Variants in MEI4 observed in about 807,000 individuals in gnomAD.
The protein encoded by MEI4 is meiosis-specific protein MEI4.
Under a neutral mutation model 31.4 loss-of-function variants are expected in MEI4, and 27 were observed. That is an observed-to-expected ratio of 0.86 (90% CI 0.63 to 1.19). The LOEUF (loss-of-function observed/expected upper bound fraction) is 1.19, where lower values mean the gene tolerates loss of function less well. Ranked by LOEUF, MEI4 falls within the 50% of genes most tolerant of loss-of-function variation. MEI4 has a pLI of 0.00. For missense variants in MEI4, 329 were observed against 398.9 expected (o/e 0.82, Z 1.49); for synonymous variants, 122 against 145.4 (o/e 0.84, Z 1.16).
intron 3 of MEI4, among the ~76,000 whole-genome samples, chr6:77,791,036 G>A (rs975209515): frequency 6.6e-6 from 1 of 151,986 alleles, no homozygotes; most frequent in African/African-American, 2.4e-5. Context: ...GAAACAACAG[G>A]TGCTGGAGAG....
chr6:77,813,876 T>C (rs1274048244), intron 3 of MEI4, among the ~76,000 whole-genome samples: 3 of 152,156 alleles, frequency 2.0e-5, no homozygotes, highest in Admixed American at 6.6e-5. Flanking sequence ...TCATTGGACC[T>C]ATCTGTATAT....
intron 1 of MEI4, among the ~76,000 whole-genome samples, chr6:77,675,226 T>C (rs534340490): frequency 2.6e-5 from 4 of 152,284 alleles, no homozygotes; most frequent in Admixed American, 1.3e-4. Context: ...TAATGGATTA[T>C]CTTTTCTTTA....
intron 3 of MEI4, among the ~76,000 whole-genome samples, chr6:77,802,227 G>A (rs1219563896): frequency 1.3e-5 from 2 of 152,058 alleles, no homozygotes; most frequent in African/African-American, 2.4e-5. Flanking sequence ...TTATGTAATG[G>A]CCTTATTTGT....
chr6:77,654,151 C>T (rs1258197864), intron 1 of MEI4, among the ~76,000 whole-genome samples: 1 of 152,170 alleles, frequency 6.6e-6, no homozygotes, highest in Non-Finnish European at 1.5e-5. Context: ...CAGATTCAGC[C>T]TGTGGGCCAG....
intron 4 of MEI4, among the ~76,000 whole-genome samples, chr6:77,910,301 A>G (rs1277125116): frequency 1.3e-5 from 2 of 152,172 alleles, no homozygotes; most frequent in African/African-American, 2.4e-5. Context: ...TTGTATAACT[A>G]GAAAACCCCA....
rs184670696 is a variant in MEI4 at position 77,732,154 on chromosome 6, A to C, written c.233-28976A>C. ...ATGAACTTGAAAGTAGTTTTTTCCAATTCTGTGAAGAACGTCATTGGTAGC... is the reference window on the plus strand; with the variant it reads ...ATGAACTTGAAAGTAGTTTTTTCCACTTCTGTGAAGAACGTCATTGGTAGC... On this transcript the variant is annotated intron_variant, in intron 2 of 4. Coordinates refer to ENST00000684080, the MANE Select transcript of MEI4 (RefSeq NM_001322247.2). Among the ~76,000 whole-genome samples, 380 of 151,366 alleles carry C rather than the reference A, an allele frequency of 2.5e-3. 2 individuals are homozygous for C. Among genetic ancestry groups the C allele is most frequent in the Non-Finnish European group, 4.1e-3 (276 of 67,934 alleles).
chr6:77,734,285 G>T (rs543422617), intron 2 of MEI4, among the ~76,000 whole-genome samples: 3 of 151,438 alleles, frequency 2.0e-5, no homozygotes, highest in South Asian at 4.1e-4. Context: ...GGTCACTCAG[G>T]GCTTGCTTTA....
intron 4 of MEI4, among the ~76,000 whole-genome samples, chr6:77,870,841 A>ATAATAAAT (rs1306029710): frequency 1.3e-5 from 2 of 152,172 alleles, no homozygotes; most frequent in Non-Finnish European, 2.9e-5. Flanking sequence ...TTGTTTTCTG[A>ATAATAAAT]TAATAAATTA....
intron 2 of MEI4, among the ~76,000 whole-genome samples, chr6:77,729,644 T>C (rs181435457): frequency 6.6e-6 from 1 of 152,282 alleles, no homozygotes; most frequent in Non-Finnish European, 1.5e-5. Flanking sequence ...TTTACAGACT[T>C]CTTCAATTAA....
intron 3 of MEI4, among the ~76,000 whole-genome samples, chr6:77,800,211 A>C (rs6914237): frequency 6.6e-6 from 1 of 151,528 alleles, no homozygotes; most frequent in African/African-American, 2.4e-5. Flanking sequence ...GGTCTTTCAC[A>C]TACCTTGTAA....
chr6:77,857,715 G>A (rs760995209), intron 4 of MEI4, among the ~76,000 whole-genome samples: 1 of 152,164 alleles, frequency 6.6e-6, no homozygotes, highest in African/African-American at 2.4e-5. Context: ...TTAACAGAGT[G>A]TAGAATCAGA....
At chr6:77,787,352 C>A (rs992284951) in intron 3 of MEI4, among the ~76,000 whole-genome samples, 10 of 152,122 alleles carry the variant, frequency 6.6e-5, no homozygotes, top group Admixed American at 2.0e-4. Context: ...GCCCTAATGA[C>A]CAAGGTTCTG....
chr6:77,789,452 A>G (rs577453741), intron 3 of MEI4, among the ~76,000 whole-genome samples: 3 of 152,368 alleles, frequency 2.0e-5, no homozygotes, highest in Non-Finnish European at 2.9e-5. Context: ...AGAAACTACC[A>G]TCAGAGTGAA....
chr6:77,911,930 C>A (rs1766443861), intron 4 of MEI4, among the ~76,000 whole-genome samples: 1 of 151,676 alleles, frequency 6.6e-6, no homozygotes, highest in Admixed American at 6.6e-5. Flanking sequence ...AGTGTTTTCT[C>A]TGCTTTCTTC....
intron 2 of MEI4, among the ~76,000 whole-genome samples, chr6:77,696,239 A>G (rs1436081731): frequency 6.6e-6 from 1 of 152,054 alleles, no homozygotes; most frequent in Non-Finnish European, 1.5e-5. Context: ...CTCTTTTCCT[A>G]ATTGAATACC....
rs550496103 is a variant in MEI4, at chr6:77,825,228, GTTC to G, written c.769-3697_769-3695del. Among the ~76,000 whole-genome samples, 213 of 152,174 alleles carry G rather than the reference GTTC, an allele frequency of 1.4e-3. 1 individual carries two copies. Among genetic ancestry groups the G allele is most frequent in the African/African-American group, 4.5e-3 (187 of 41,536 alleles). On this transcript the variant is annotated intron_variant, in intron 3 of 4. Coordinates refer to ENST00000684080, the MANE Select transcript of MEI4 (RefSeq NM_001322247.2). ...TTCTTTTGACCTAACAAAATATTATGTTCTTCTTATTATTTATTTTTGACATCT... is the reference window on the plus strand; with the variant it reads ...TTCTTTTGACCTAACAAAATATTATGTTCTTATTATTTATTTTTGACATCT...
At chr6:77,787,894 G>A (rs1768788677) in intron 3 of MEI4, among the ~76,000 whole-genome samples, 1 of 152,156 alleles carries the variant, frequency 6.6e-6, no homozygotes, top group African/African-American at 2.4e-5. Context: ...TTGATGTGCT[G>A]TTGGATTTGG....
Position 77,868,502 on chromosome 6 carries a change from C to CATATATATATATATATATATATATATAT in MEI4, c.900+39466_900+39467insATATATATATATATATATATATATATAT, listed in dbSNP as rs58946198. Among the ~76,000 whole-genome samples the CATATATATATATATATATATATATATAT allele has an allele frequency of 8.4e-4, 76 of 90,012 alleles. 2 individuals carry two copies. The highest frequency in any genetic ancestry group is 1.2e-3 in the Non-Finnish European group (53 of 43,652). The allele number at this position is 90,012 out of a possible 152,430, so 59.1% of individuals were successfully genotyped here. A position where few individuals can be genotyped will look rare whatever the true frequency, so the allele number is the denominator to read the frequency against. On this transcript the variant is annotated intron_variant, in intron 4 of 4. Transcript: ENST00000684080. Reference sequence around the variant, plus strand: ...AAAAACTTCCATGTAAAAAATACTACATATATATATATATATATATATATA... The same window carrying CATATATATATATATATATATATATATAT: ...AAAAACTTCCATGTAAAAAATACTACATATATATATATATATATATATATATATATATATATATATATATATATATATA...
intron 3 of MEI4, among the ~76,000 whole-genome samples, chr6:77,802,395 T>G (rs1003424744): frequency 5.9e-5 from 9 of 152,272 alleles, no homozygotes; most frequent in African/African-American, 1.9e-4. Context: ...CCTGAATACA[T>G]CACACTAATG....
Sources: allele counts gnomAD v4.1 joint callset (sites outside exome capture counted in the v4.1 genomes callset), GRCh38; gene constraint gnomAD v4.1.1; transcripts MANE v1.5; gene names NCBI Gene and HGNC (gene_info 2026-07-23, HGNC 2026-07-21).